Variants in PID1 observed in about 807,000 individuals in gnomAD.
PID1 encodes the protein PTB-containing, cubilin and LRP1-interacting protein.
Under a neutral mutation model 19.1 loss-of-function variants are expected in PID1, and 10 were observed. The ratio of observed to expected loss-of-function variants is 0.52; its 90% CI spans 0.32 to 0.89. The LOEUF is 0.89. Ranked by LOEUF, PID1 falls within the 40% of genes least tolerant of loss-of-function variation. The pLI, the probability that PID1 is intolerant of heterozygous loss-of-function variation, is 0.03. For missense variants in PID1, 248 were observed against 285.3 expected, an observed-to-expected ratio of 0.87 and a Z score of 0.94; for synonymous variants, 130 against 116.0, an observed-to-expected ratio of 1.12 and a Z score of -0.78.
intron 1 of PID1, among the ~76,000 whole-genome samples, chr2:229,219,671 G>A (rs1166695363): frequency 6.6e-6 from 1 of 151,054 alleles, no homozygotes; most frequent in African/African-American, 2.4e-5. Context: ...GTAGCTAGGA[G>A]GACTACAGGT....
At chr2:229,139,056 A>G (rs1559251519) in intron 2 of PID1, among the ~76,000 whole-genome samples, 2 of 45,220 alleles carry the variant, frequency 4.4e-5, no homozygotes, top group Non-Finnish European at 9.3e-5. Context: ...AAAGAAAGAA[A>G]GAGAAAGAAA....
At chr2:229,184,861 G>GTATATATATCCCA (rs1691083468) in intron 1 of PID1, among the ~76,000 whole-genome samples, 3 of 111,788 alleles carry the variant, frequency 2.7e-5, no homozygotes, top group African/African-American at 1.1e-4. Context: ...TATATATCCC[G>GTATATATATCCCA]TATATATCCC....
chr2:229,165,066 G>A (rs892603929), intron 1 of PID1, among the ~76,000 whole-genome samples: 2 of 152,160 alleles, frequency 1.3e-5, no homozygotes, highest in Admixed American at 6.5e-5. Flanking sequence ...AAACTCATGA[G>A]TCACAGAGCA....
At chr2:229,264,558 G>A (rs1690544104) in intron 1 of PID1, among the ~76,000 whole-genome samples, 1 of 152,074 alleles carries the variant, frequency 6.6e-6, no homozygotes, top group African/African-American at 2.4e-5. Flanking sequence ...ACCCCCAACT[G>A]TAAAGACAAT....
intron 1 of PID1, among the ~76,000 whole-genome samples, chr2:229,172,021 T>A (rs193092897): frequency 2.0e-5 from 3 of 152,288 alleles, no homozygotes; most frequent in Admixed American, 2.0e-4. Flanking sequence ...CAGAAAGGGC[T>A]CTGTGCCTGC....
At chr2:229,228,118 G>C (rs972026726) in intron 1 of PID1, 1 of 448,718 alleles carries the variant, frequency 2.2e-6, no homozygotes. Context: ...AAATCCAAGA[G>C]AATCGAGATA....
chr2:229,158,269 T>C (rs1448004710), intron 1 of PID1, among the ~76,000 whole-genome samples: 2 of 152,214 alleles, frequency 1.3e-5, no homozygotes, highest in African/African-American at 2.4e-5. Flanking sequence ...TTCTTCTGCT[T>C]TTTGAATAAG....
At chr2:229,217,433 C>T (rs2106255247) in intron 1 of PID1, among the ~76,000 whole-genome samples, 1 of 152,274 alleles carries the variant, frequency 6.6e-6, no homozygotes, top group African/African-American at 2.4e-5. Context: ...CTCCTTTTCC[C>T]TGGCTGTGAA....
rs1319033110 is a variant in PID1 at position 229,260,816 on chromosome 2, C to CTTTTTTTTTTTTTTTTTTTTTT, written c.30+10197_30+10198insAAAAAAAAAAAAAAAAAAAAAA. Among the ~76,000 whole-genome samples, 3 of 121,188 alleles carry CTTTTTTTTTTTTTTTTTTTTTT rather than the reference C, an allele frequency of 2.5e-5. 1 individual carries two copies. The allele number at this position is 121,188 out of a possible 152,430, so 79.5% of individuals were successfully genotyped here. A position where few individuals can be genotyped will look rare whatever the true frequency, so the allele number is the denominator to read the frequency against. On this transcript the variant is annotated intron_variant, in intron 1 of 2. Coordinates refer to ENST00000392055, the MANE Select transcript of PID1 (RefSeq NM_001100818.2). ...CAGATGTAGAGAAAATTCTGATTGC[C>CTTTTTTTTTTTTTTTTTTTTTT]ATTTTTTTTTTTTTTTTTTTTTTGG...
At chr2:229,254,165 C>CAA (rs1241019297) in intron 1 of PID1, among the ~76,000 whole-genome samples, 1 of 151,924 alleles carries the variant, frequency 6.6e-6, no homozygotes, top group Non-Finnish European at 1.5e-5. Context: ...ACAACAACAA[C>CAA]AAAAAAACCT....
At chr2:229,265,431 G>A (rs936899647) in intron 1 of PID1, among the ~76,000 whole-genome samples, 4 of 152,240 alleles carry the variant, frequency 2.6e-5, no homozygotes, top group African/African-American at 9.6e-5. Context: ...GGCCTCAAGG[G>A]TTGGACCTGG....
chr2:229,169,693 T>C (rs954503999), intron 1 of PID1, among the ~76,000 whole-genome samples: 1 of 152,192 alleles, frequency 6.6e-6, no homozygotes, highest in Non-Finnish European at 1.5e-5. Flanking sequence ...TATCTGGTTG[T>C]GGTCAGCTTC....
chr2:229,053,493 C>T (rs534705420), intron 2 of PID1, among the ~76,000 whole-genome samples: 93 of 152,248 alleles, frequency 6.1e-4, no homozygotes, highest in African/African-American at 2.2e-3. Flanking sequence ...AAATCATATC[C>T]TCTCCTTTGC....
chr2:229,221,992 T>A (rs1297450605), intron 1 of PID1, among the ~76,000 whole-genome samples: 1 of 152,220 alleles, frequency 6.6e-6, no homozygotes, highest in East Asian at 1.9e-4. Flanking sequence ...AGGTTCTCAC[T>A]TCCTGCCTAG....
At chr2:229,089,761 C>A (rs1694833912) in intron 2 of PID1, among the ~76,000 whole-genome samples, 1 of 152,100 alleles carries the variant, frequency 6.6e-6, no homozygotes, top group African/African-American at 2.4e-5. Context: ...AGAAAGACAA[C>A]ATAGACTTCA....
At chr2:229,038,423 G>A (rs563151218) in intron 2 of PID1, among the ~76,000 whole-genome samples, 7 of 152,154 alleles carry the variant, frequency 4.6e-5, no homozygotes, top group African/African-American at 1.7e-4. Context: ...CTGAGTCAAA[G>A]TCATCCTCCA....
At chr2:229,109,763 T>C (rs1338577370) in intron 2 of PID1, among the ~76,000 whole-genome samples, 1 of 152,214 alleles carries the variant, frequency 6.6e-6, no homozygotes, top group African/African-American at 2.4e-5. Context: ...TGAAAAAATG[T>C]ATGAACCCAA....
chr2:229,086,030 T>A (rs1232310042), intron 2 of PID1, among the ~76,000 whole-genome samples: 1 of 152,182 alleles, frequency 6.6e-6, no homozygotes, highest in East Asian at 1.9e-4. Context: ...TACCCTATTT[T>A]GCGCTGCCTA....
intron 2 of PID1, among the ~76,000 whole-genome samples, chr2:229,146,531 G>C (rs1030846724): frequency 6.7e-6 from 1 of 149,738 alleles, no homozygotes; most frequent in South Asian, 2.1e-4. Context: ...CATTTTGTGT[G>C]TGTGTGTGTG....
Sources: allele counts gnomAD v4.1 joint callset (sites outside exome capture counted in the v4.1 genomes callset), GRCh38; gene constraint gnomAD v4.1.1; transcripts MANE v1.5; gene names NCBI Gene and HGNC (gene_info 2026-07-23, HGNC 2026-07-21).